Variants in TET3 observed in about 807,000 individuals in gnomAD.
The protein encoded by TET3 is tet methylcytosine dioxygenase 3, also known as methylcytosine dioxygenase TET3.
TET3 carries 19 observed loss-of-function variants against 141.4 expected under a neutral mutation model. That is an observed-to-expected ratio of 0.13 (90% CI 0.09 to 0.20). The LOEUF (loss-of-function observed/expected upper bound fraction) is 0.20, where lower values mean the gene tolerates loss of function less well. Among genes scored for constraint, TET3 ranks in the 10% least tolerant of loss-of-function variants. The pLI, the probability that TET3 is intolerant of heterozygous loss-of-function variation, is 1.00. For missense variants in TET3, 1,874 were observed against 2,356.9 expected, an observed-to-expected ratio of 0.80 and a Z score of 4.24; for synonymous variants, 1,043 against 980.9, an observed-to-expected ratio of 1.06 and a Z score of -1.18.
At chr2:74,008,213 G>GT (rs1035338602) in intron 3 of TET3, among the ~76,000 whole-genome samples, 1 of 152,180 alleles carries the variant, frequency 6.6e-6, no homozygotes, top group African/African-American at 2.4e-5. Flanking sequence ...GCTTGAAAGA[G>GT]TAGAGATCTT....
the TET3 span, among the ~76,000 whole-genome samples, chr2:74,126,797 C>A: frequency 6.6e-6 from 1 of 152,132 alleles, no homozygotes; most frequent in Admixed American, 6.5e-5. Context: ...GCCACCACAC[C>A]CAGCCTGGAA....
rs1357144915 is a variant in TET3, at chr2:74,101,465, C to T, written c.4677C>T (p.Pro1559=). Residue 1559 remains proline, a synonymous_variant, in exon 12 of 12, where the codon CCC becomes CCT. Transcript: ENST00000409262. This position sits in a 1 kb window ranked among gnomAD's most constrained non-coding sequence, Gnocchi z 8.5. ...SPGFQDKLWN[P]MKGEEGRIPA... ...GGTTCCAAGACAAGCTGTGGAACCC[C>T]ATGAAAGGAGAGGAGGGCAGGATTC... 1 of 1,613,710 alleles carries T rather than the reference C, an allele frequency of 6.2e-7. No homozygotes were observed. The highest frequency in any genetic ancestry group is 8.5e-7 in the Non-Finnish European group (1 of 1,179,850).
At chr2:74,072,549 A>G (rs1689270566) in intron 4 of TET3, among the ~76,000 whole-genome samples, 1 of 152,080 alleles carries the variant, frequency 6.6e-6, no homozygotes, top group South Asian at 2.1e-4. Flanking sequence ...GTTCATCCAT[A>G]TTGTAGCATG....
chr2:74,023,056 G>A (rs1028785863), intron 3 of TET3, among the ~76,000 whole-genome samples: 3 of 152,088 alleles, frequency 2.0e-5, no homozygotes, highest in African/African-American at 7.2e-5. Flanking sequence ...GATTACAAAC[G>A]TGAGCCACTG....
At position 74,103,715 on chromosome 2, in the gene TET3, AGT is replaced by A; in HGVS notation, c.*1540_*1541del. On this transcript the variant is annotated 3_prime_UTR_variant, in exon 12 of 12. Transcript: ENST00000409262. The stretch of plus-strand genomic sequence containing the variant: ...ATGGGAGCAACACTCATCATCACCA[AGT>A]CAAACTTTGTTGGAGTGTTGGTTTT... 1 of 153,520 alleles carries A rather than the reference AGT, an allele frequency of 6.5e-6. No homozygotes were observed. The highest frequency in any genetic ancestry group is 1.9e-4 in the East Asian group (1 of 5,194). 9.5% of individuals were successfully genotyped at this position (153,520 alleles called of 1,614,324 possible).
At position 74,105,299 on chromosome 2, in the gene TET3, T is replaced by G. The variant is rs561218720; in HGVS notation, c.*3123T>G. ...ACACCATCCACGTGCAGTGCAAACA[T>G]TTGGTTCCTTTTCTGCTCTGTTTTG... On this transcript the variant is annotated 3_prime_UTR_variant, in exon 12 of 12. Coordinates refer to ENST00000409262, the MANE Select transcript of TET3 (RefSeq NM_001287491.2). 25 of 398,608 alleles carry G rather than the reference T, an allele frequency of 6.3e-5. No individual in the cohort carries two copies. Among genetic ancestry groups the G allele is most frequent in the Admixed American group, 1.8e-4 (4 of 22,734 alleles). The allele number at this position is 398,608 out of a possible 1,614,324, so 24.7% of individuals were successfully genotyped here.
intron 4 of TET3, among the ~76,000 whole-genome samples, chr2:74,050,261 C>T (rs1361518056): frequency 6.6e-6 from 1 of 152,196 alleles, no homozygotes; most frequent in Non-Finnish European, 1.5e-5. Context: ...ACGGTTTCTG[C>T]TTCCTCATAT....
chr2:74,101,708 G>A lies in TET3; in HGVS notation c.4920G>A (p.Ser1640=), dbSNP rs377725379. The change falls in exon 12 of 12, where the codon TCG becomes TCA. Residue 1640 remains serine (S), a synonymous_variant. Coordinates refer to ENST00000409262, the MANE Select transcript of TET3 (RefSeq NM_001287491.2). The surrounding 1 kb of genome is among the most constrained non-coding windows in gnomAD (Gnocchi z 8.5). The stretch of plus-strand genomic sequence containing the variant: ...AGGAGGAAGAGGAGGAGCTGTGGTC[G>A]GACAGTGAACACAACTTCCTGGACG... ...GAEEEEEELW[S]DSEHNFLDEN... 23 of 1,613,458 alleles carry A rather than the reference G, an allele frequency of 1.4e-5. No homozygotes were observed. The highest frequency in any genetic ancestry group is 1.6e-4 in the Middle Eastern group (1 of 6,084).
At chr2:74,007,641 T>G (rs1573672211) in intron 3 of TET3, among the ~76,000 whole-genome samples, 1 of 152,158 alleles carries the variant, frequency 6.6e-6, no homozygotes, top group Admixed American at 6.5e-5. Context: ...GTTGTTAGTT[T>G]CCTTCCACTC....
In TET3 at chr2:74,048,114, C is replaced by G; in HGVS notation, c.2197C>G (p.Gln733Glu). ...TCCCGGCCCCCCTTCTGTGCCCATT[C>G]AGGACCCCGAGAACCAGCAAACATG... is the stretch of plus-strand genomic sequence containing the variant. ...GLPGPPSVPI[Q>E]DPENQQTCLP... The change falls in exon 4 of 12, where the codon CAG becomes GAG. Residue 733 changes from glutamine (Q) to glutamate (E), a missense_variant. Gln to Glu is a conservative substitution (Grantham distance 29). Coordinates refer to ENST00000409262, the MANE Select transcript of TET3 (RefSeq NM_001287491.2). 6.2e-7 allele frequency: 1 copy of G among 1,613,514 alleles called. No homozygotes were observed.
chr2:73,999,938 T>C (rs1388670962), intron 2 of TET3, among the ~76,000 whole-genome samples: 4 of 152,060 alleles, frequency 2.6e-5, no homozygotes, highest in Non-Finnish European at 5.9e-5. Context: ...TGGGGGACTA[T>C]GGGCTCCTCC....
the TET3 span, among the ~76,000 whole-genome samples, chr2:74,118,689 A>T: frequency 1.3e-5 from 2 of 152,178 alleles, no homozygotes; most frequent in Non-Finnish European, 2.9e-5. Flanking sequence ...ACACATACAC[A>T]CACACATATA....
intron 11 of TET3, among the ~76,000 whole-genome samples, chr2:74,099,825 G>A (rs565406941): frequency 6.6e-6 from 1 of 152,282 alleles, no homozygotes; most frequent in East Asian, 1.9e-4. Flanking sequence ...AAGTGAGCTT[G>A]GTAGAGGGGA....
Position 74,106,488 on chromosome 2 carries a change from G to A in TET3, c.*4312G>A, listed in dbSNP as rs1691510669. The A allele has an allele frequency of 6.5e-6, 1 of 153,806 alleles. No individual in the cohort carries two copies. The highest frequency in any genetic ancestry group is 2.1e-4 in the South Asian group (1 of 4,836). 9.5% of individuals were successfully genotyped at this position (153,806 alleles called of 1,614,324 possible). On this transcript the variant is annotated 3_prime_UTR_variant, in exon 12 of 12. Transcript: ENST00000409262. ...AAGGGCACACCAAGGGAGACCAGAT[G>A]GATCTCCTTCCTCCCCTGGCACTGG... is the stretch of plus-strand genomic sequence containing the variant.
At position 74,099,212 on chromosome 2, in the gene TET3, AC is replaced by A. The variant is rs1389134166; in HGVS notation, c.3268-60del. 4 of 1,440,542 alleles carry A rather than the reference AC, an allele frequency of 2.8e-6. No individual in the cohort carries two copies. The African/African-American group carries it at 5.7e-5, about 20-fold the overall frequency. The allele number at this position is 1,440,542 out of a possible 1,614,324, so 89.2% of individuals were successfully genotyped here. ...GAGGTCATGTGTTTTGGGTGCTCAG[AC>A]CCCTCTCTCCCAGCACTCGGTCCCC... On this transcript the variant is annotated intron_variant, in intron 10 of 11. Coordinates refer to ENST00000409262, the MANE Select transcript of TET3 (RefSeq NM_001287491.2).
the TET3 span, among the ~76,000 whole-genome samples, chr2:74,127,908 A>T: frequency 2.0e-5 from 3 of 152,248 alleles, no homozygotes; most frequent in Non-Finnish European, 2.9e-5. Flanking sequence ...CAATGCCTAA[A>T]GTATTAGAAA....
rs1347096398 is a variant in TET3 at position 74,061,028 on chromosome 2, G to T, written c.2495-12521G>T. On this transcript the variant is annotated intron_variant, in intron 4 of 11. Transcript: ENST00000409262. ...ATGGCCCGTTCTCAATGAGCTGTTG[G>T]GCACACCTCCCAGACGGGGTGGTGG... Among the ~76,000 whole-genome samples, 3 of 152,090 alleles carry T rather than the reference G, an allele frequency of 2.0e-5. 1 individual carries two copies. The highest frequency in any genetic ancestry group is 7.2e-5 in the African/African-American group (3 of 41,422).
intron 3 of TET3, among the ~76,000 whole-genome samples, chr2:74,026,085 G>A (rs1431214585): frequency 6.6e-6 from 1 of 152,160 alleles, no homozygotes; most frequent in Non-Finnish European, 1.5e-5. Context: ...AGCTCCCCAG[G>A]AAGCTGCCTT....
chr2:73,999,221 G>C (rs1684731901), intron 2 of TET3, among the ~76,000 whole-genome samples: 1 of 152,156 alleles, frequency 6.6e-6, no homozygotes, highest in African/African-American at 2.4e-5. Context: ...ACACAGAGCA[G>C]CCTTGGCTGT....
Sources: allele counts gnomAD v4.1 joint callset (sites outside exome capture counted in the v4.1 genomes callset), GRCh38; gene constraint gnomAD v4.1.1; non-coding constraint Gnocchi (gnomAD v3.1); transcripts MANE v1.5; gene names NCBI Gene and HGNC (gene_info 2026-07-23, HGNC 2026-07-21).